Variants in TAFA2 observed in about 807,000 individuals in gnomAD.
The protein encoded by TAFA2 is TAFA chemokine like family member 2, also known as chemokine-like protein TAFA-2.
TAFA2 carries 7 observed loss-of-function variants against 18.8 expected under a neutral mutation model. That is an observed-to-expected ratio of 0.37 (90% CI 0.21 to 0.70). The LOEUF (loss-of-function observed/expected upper bound fraction) is 0.70, where lower values mean the gene tolerates loss of function less well. Among genes scored for constraint, TAFA2 ranks in the 30% least tolerant of loss-of-function variants. The pLI is 0.53. For synonymous variants in TAFA2, 60 were observed against 54.2 expected (o/e 1.11, Z -0.47); for missense variants, 122 against 158.1 (o/e 0.77, Z 1.23).
chr12:61,957,743 G>T (rs115098833), intron 1 of TAFA2, among the ~76,000 whole-genome samples: 1 of 152,218 alleles, frequency 6.6e-6, no homozygotes, highest in African/African-American at 2.4e-5. Context: ...GGTGAGTGCA[G>T]CATGTTGCAT....
At chr12:62,155,404 C>A (rs1592370855) in intron 1 of TAFA2, among the ~76,000 whole-genome samples, 2 of 152,122 alleles carry the variant, frequency 1.3e-5, no homozygotes, top group Middle Eastern at 6.8e-3. Flanking sequence ...ATGCAATCCC[C>A]ATCAAAACAC....
intron 1 of TAFA2, among the ~76,000 whole-genome samples, chr12:62,014,183 T>A (rs1880854278): frequency 6.6e-6 from 1 of 152,214 alleles, no homozygotes; most frequent in Non-Finnish European, 1.5e-5. Flanking sequence ...CAAAGAATTA[T>A]AAAGCTACAT....
chr12:62,190,983 G>A (rs1337659375), intron 1 of TAFA2, among the ~76,000 whole-genome samples: 1 of 151,996 alleles, frequency 6.6e-6, no homozygotes, highest in Non-Finnish European at 1.5e-5. Flanking sequence ...AGAGAGGGAG[G>A]GCACCGCTCA....
chr12:61,872,862 T>TTCTC (rs36106779), intron 1 of TAFA2, among the ~76,000 whole-genome samples: 244 of 150,450 alleles, frequency 1.6e-3, no homozygotes, highest in South Asian at 7.2e-3. Flanking sequence ...ACCCTGCAGT[T>TTCTC]TCTCTCTCTC....
chr12:62,117,104 G>C (rs537559301), intron 1 of TAFA2, among the ~76,000 whole-genome samples: 1 of 152,192 alleles, frequency 6.6e-6, no homozygotes, highest in Non-Finnish European at 1.5e-5. Flanking sequence ...TCTATCTTCC[G>C]GAAACTTTGA....
At chr12:61,851,774 CAAAAAAAAAAAAAAAAAAAAAAAA>C (rs55651727) in intron 2 of TAFA2, among the ~76,000 whole-genome samples, 44 of 14,502 alleles carry the variant, frequency 3.0e-3, no homozygotes, top group South Asian at 0.015. Flanking sequence ...GACTCCATCT[CAAAAAAAAAAAAAAAAAAAAAAAA>C]AAAAAAAAAA....
chr12:61,894,445 G>T (rs908475038), intron 1 of TAFA2, among the ~76,000 whole-genome samples: 4 of 152,124 alleles, frequency 2.6e-5, no homozygotes, highest in Non-Finnish European at 4.4e-5. Context: ...TATAAATCAG[G>T]TATTCACTAA....
At chr12:62,181,655 G>A (rs1252751771) in intron 1 of TAFA2, among the ~76,000 whole-genome samples, 4 of 152,130 alleles carry the variant, frequency 2.6e-5, no homozygotes, top group Non-Finnish European at 5.9e-5. Context: ...AACTTCCAGA[G>A]CATTGATAAA....
chr12:62,128,750 C>G (rs1870566308), intron 1 of TAFA2, among the ~76,000 whole-genome samples: 1 of 151,986 alleles, frequency 6.6e-6, no homozygotes, highest in Admixed American at 6.6e-5. Flanking sequence ...AAAAAGGAAT[C>G]ATTGTTGCAT....
chr12:61,882,306 A>T (rs553229568), intron 1 of TAFA2, among the ~76,000 whole-genome samples: 11 of 152,358 alleles, frequency 7.2e-5, no homozygotes, highest in Admixed American at 2.6e-4. Context: ...AGAAGTAGCA[A>T]TCACAGCATC....
At chr12:62,153,982 T>TTATGTTATGTTATGTTA in intron 1 of TAFA2, among the ~76,000 whole-genome samples, 1 of 151,838 alleles carries the variant, frequency 6.6e-6, no homozygotes, top group South Asian at 2.1e-4. Context: ...TTATGTTATG[T>TTATGTTATGTTATGTTA]TGTTTTGTAC....
chr12:61,741,162 G>A (rs1565616484), intron 4 of TAFA2, among the ~76,000 whole-genome samples: 2 of 151,778 alleles, frequency 1.3e-5, no homozygotes, highest in African/African-American at 2.4e-5. Flanking sequence ...ATTCTTATTC[G>A]CTCGTGGGAA....
chr12:61,840,062 G>A (rs1163656539), intron 2 of TAFA2, among the ~76,000 whole-genome samples: 1 of 151,992 alleles, frequency 6.6e-6, no homozygotes, highest in Non-Finnish European at 1.5e-5. Flanking sequence ...GTCTGGAGCA[G>A]AGAGCCCACA....
intron 1 of TAFA2, among the ~76,000 whole-genome samples, chr12:61,963,443 C>G (rs1426695082): frequency 6.6e-6 from 1 of 151,896 alleles, no homozygotes; most frequent in East Asian, 1.9e-4. Context: ...TCTCTAATGG[C>G]CAGTGATGAT....
chr12:61,795,228 G>A (rs1043952829), intron 2 of TAFA2, among the ~76,000 whole-genome samples: 2 of 152,128 alleles, frequency 1.3e-5, no homozygotes, highest in Non-Finnish European at 2.9e-5. Context: ...TCCCATTACT[G>A]GGTATATACC....
intron 1 of TAFA2, among the ~76,000 whole-genome samples, chr12:62,040,977 G>C (rs76651355): frequency 1.3e-5 from 2 of 152,098 alleles, no homozygotes; most frequent in Non-Finnish European, 2.9e-5. Context: ...CACTTGAGCC[G>C]TGAACAAGAA....
intron 1 of TAFA2, among the ~76,000 whole-genome samples, chr12:62,112,035 G>A (rs1869755830): frequency 6.6e-6 from 1 of 152,126 alleles, no homozygotes; most frequent in African/African-American, 2.4e-5. Context: ...TCATTATGAT[G>A]GTAGCTGGTT....
intron 4 of TAFA2, among the ~76,000 whole-genome samples, chr12:61,738,598 C>T (rs756057079): frequency 2.6e-5 from 4 of 152,050 alleles, no homozygotes; most frequent in Non-Finnish European, 4.4e-5. Flanking sequence ...TCTGCTCTTG[C>T]AGCATATCCT....
chr12:61,977,589 C>G (rs1183597106), intron 1 of TAFA2, among the ~76,000 whole-genome samples: 1 of 152,052 alleles, frequency 6.6e-6, no homozygotes, highest in African/African-American at 2.4e-5. Context: ...AACCCTATAC[C>G]TGGCCTCTAT....
Sources: gnomAD v4.1 joint callset for allele counts (sites outside exome capture counted in the v4.1 genomes callset) on GRCh38, gnomAD v4.1.1 for gene constraint, MANE v1.5 for transcripts, NCBI Gene and HGNC (gene_info 2026-07-23, HGNC 2026-07-21) for gene names.